PTPRA: variants seen among roughly 807,000 people sequenced by gnomAD.
The protein encoded by PTPRA is receptor-type tyrosine-protein phosphatase alpha.
Under a neutral mutation model 104.8 loss-of-function variants are expected in PTPRA, and 25 were observed. That is an observed-to-expected ratio of 0.24 (90% CI 0.17 to 0.33). The LOEUF (loss-of-function observed/expected upper bound fraction) is 0.33. Among genes scored for constraint, PTPRA ranks in the 10% least tolerant of loss-of-function variants. The pLI is 1.00. For synonymous variants in PTPRA, 323 were observed against 368.9 expected (o/e 0.88, Z 1.43); for missense variants, 765 against 1,015.3 (o/e 0.75, Z 3.35).
Position 2,976,101 on chromosome 20 carries a change from C to T in PTPRA, c.442+860C>T, listed in dbSNP as rs531041170. Among the ~76,000 whole-genome samples, 34 of 152,228 alleles carry T rather than the reference C, an allele frequency of 2.2e-4. No individual in the cohort carries two copies. In the South Asian group the frequency reaches 2.9e-3, roughly 13 times the overall value. ...GGTACTCTCTTCCTTTATGTGATGTCCATCTGCCATTGTATTTGGTAAGGA... is the reference window on the plus strand; with the variant it reads ...GGTACTCTCTTCCTTTATGTGATGTTCATCTGCCATTGTATTTGGTAAGGA... On this transcript the variant is annotated intron_variant, in intron 6 of 23. Transcript: ENST00000399903.
chr20:2,937,007 C>G (rs1032479019), intron 2 of PTPRA, among the ~76,000 whole-genome samples: 2 of 151,632 alleles, frequency 1.3e-5, no homozygotes, highest in African/African-American at 2.4e-5. Flanking sequence ...TGTGATTGCT[C>G]TAGGAATATA....
At chr20:2,867,763 C>T in the PTPRA span, among the ~76,000 whole-genome samples, 1 of 152,214 alleles carries the variant, frequency 6.6e-6, no homozygotes, top group Non-Finnish European at 1.5e-5. Flanking sequence ...TCAGGCCTCT[C>T]CCTATTTAAC....
intron 5 of PTPRA, among the ~76,000 whole-genome samples, chr20:2,972,120 C>T (rs1347890723): frequency 1.3e-5 from 2 of 152,136 alleles, no homozygotes; most frequent in South Asian, 2.1e-4. Context: ...TGAGCCACTG[C>T]GCCCTGCCAG....
At chr20:2,988,630 A>C (rs1014117068) in intron 9 of PTPRA, among the ~76,000 whole-genome samples, 156 bp downstream of exon 9, 1 of 152,240 alleles carries the variant, frequency 6.6e-6, no homozygotes, top group African/African-American at 2.4e-5. Context: ...CTGTATGATC[A>C]TGGATAGGAA....
In PTPRA at chr20:3,022,974, G is replaced by A. The variant is rs189201786; in HGVS notation, c.1464+150G>A. On this transcript the variant is annotated intron_variant, in intron 16 of 23. Transcript: ENST00000399903. This position sits in a 1 kb window ranked among gnomAD's most constrained non-coding sequence, Gnocchi z 4.6. Reference sequence around the variant, plus strand: ...AAGAAAGATAGATCACACTGTTACCGTGTCTATGTAGAAAAAGGAAGACAC... The same window carrying A: ...AAGAAAGATAGATCACACTGTTACCATGTCTATGTAGAAAAAGGAAGACAC... The A allele has an allele frequency of 5.2e-5, 69 of 1,328,178 alleles. No homozygotes were observed. In the East Asian group the frequency reaches 8.9e-4, roughly 17 times the overall value. 82.3% of individuals were successfully genotyped at this position (1,328,178 alleles called of 1,614,324 possible). A position where few individuals can be genotyped will look rare whatever the true frequency, so the allele number is the denominator to read the frequency against.
At position 2,932,461 on chromosome 20, in the gene PTPRA, G is replaced by C. The variant is rs369606138; in HGVS notation, c.-50+9176G>C. Among the ~76,000 whole-genome samples the C allele has an allele frequency of 8.5e-5, 13 of 152,254 alleles. No homozygotes were observed. In the East Asian group the frequency reaches 1.9e-3, roughly 23 times the overall value. ...CTATTTGTAAACAAAGGGGTATGAG[G>C]GTTAGGGATGGAAAAATGGAAAGTA... On this transcript the variant is annotated intron_variant, in intron 2 of 23. Coordinates refer to ENST00000399903, the MANE Select transcript of PTPRA (RefSeq NM_001385305.1).
chr20:2,903,379 A>G (rs909088829), intron 1 of PTPRA, among the ~76,000 whole-genome samples: 2 of 152,152 alleles, frequency 1.3e-5, no homozygotes, highest in Admixed American at 6.5e-5. Flanking sequence ...TGGCTATTCC[A>G]TTTATATATA....
intron 1 of PTPRA, among the ~76,000 whole-genome samples, chr20:2,887,991 C>T (rs1356206142): frequency 3.9e-5 from 6 of 152,198 alleles, no homozygotes; most frequent in African/African-American, 1.4e-4. Flanking sequence ...GGACAGATTT[C>T]ACAGTGATTT....
chr20:2,991,470 G>C (rs149659346), intron 9 of PTPRA, among the ~76,000 whole-genome samples: 1 of 152,160 alleles, frequency 6.6e-6, no homozygotes, highest in Non-Finnish European at 1.5e-5. Context: ...AATCTATAAT[G>C]CCAACTGCTT....
intron 12 of PTPRA, among the ~76,000 whole-genome samples, chr20:3,016,315 A>T (rs2064446918): frequency 6.6e-6 from 1 of 152,208 alleles, no homozygotes; most frequent in Admixed American, 6.5e-5. Context: ...ATTCACAGAT[A>T]GTTGGTCTAG....
At chr20:2,982,338 C>T (rs1010037935) in intron 6 of PTPRA, among the ~76,000 whole-genome samples, 1 of 152,124 alleles carries the variant, frequency 6.6e-6, no homozygotes, top group African/African-American at 2.4e-5. Flanking sequence ...CCACCCGCCT[C>T]GGCCTCCCAA....
intron 1 of PTPRA, among the ~76,000 whole-genome samples, chr20:2,889,477 T>C (rs1450275421): frequency 6.6e-6 from 1 of 152,220 alleles, no homozygotes; most frequent in Non-Finnish European, 1.5e-5. Flanking sequence ...GTAAATGTAG[T>C]AAAACAGGTT....
At chr20:2,960,732 T>G (rs1288484878) in intron 3 of PTPRA, among the ~76,000 whole-genome samples, 1 of 152,026 alleles carries the variant, frequency 6.6e-6, no homozygotes, top group Non-Finnish European at 1.5e-5. Context: ...AAATGTGGTC[T>G]TGCTGTGTTG....
intron 17 of PTPRA, among the ~76,000 whole-genome samples, chr20:3,025,626 T>C (rs1446703896): frequency 6.6e-6 from 1 of 151,780 alleles, no homozygotes; most frequent in African/African-American, 2.4e-5. Flanking sequence ...TCCCAGCACT[T>C]TGGGAGGCCA....
intron 3 of PTPRA, among the ~76,000 whole-genome samples, chr20:2,959,564 CTT>C (rs951666535): frequency 4.0e-5 from 6 of 151,118 alleles, no homozygotes; most frequent in African/African-American, 1.5e-4. Flanking sequence ...TTAAAATAGA[CTT>C]TTTTTTTCTT....
intron 2 of PTPRA, among the ~76,000 whole-genome samples, chr20:2,931,893 C>T (rs2060520150): frequency 6.6e-6 from 1 of 152,128 alleles, no homozygotes; most frequent in East Asian, 1.9e-4. Flanking sequence ...TTTTTAAAGG[C>T]CATCATCTAG....
chr20:2,892,983 G>C (rs598971), intron 1 of PTPRA, among the ~76,000 whole-genome samples: 102,617 of 151,930 alleles, frequency 0.68, 36,271 homozygotes, highest in African/African-American at 0.87. Flanking sequence ...ATACATTTAT[G>C]AAGATTTGAA....
In PTPRA at chr20:3,035,410, G is replaced by A. The variant is rs1301938237; in HGVS notation, c.1921-175G>A. Among the ~76,000 whole-genome samples the A allele has an allele frequency of 1.3e-5, 2 of 152,142 alleles. No individual in the cohort carries two copies. Among genetic ancestry groups the A allele is most frequent in the African/African-American group, 4.8e-5 (2 of 41,434 alleles). Reference sequence around the variant, plus strand: ...TTTTAGATGGTCTCTGGTGAGGATCGGAGGTTAATTGGAATGATGTGATAT... The same window carrying A: ...TTTTAGATGGTCTCTGGTGAGGATCAGAGGTTAATTGGAATGATGTGATAT... On this transcript the variant is annotated intron_variant, in intron 20 of 23. Coordinates refer to ENST00000399903, the MANE Select transcript of PTPRA (RefSeq NM_001385305.1). The surrounding 1 kb of genome is among the most constrained non-coding windows in gnomAD (Gnocchi z 5.8).
At chr20:3,019,289 C>T (rs1367779952) in intron 13 of PTPRA, among the ~76,000 whole-genome samples, 4 of 150,968 alleles carry the variant, frequency 2.6e-5, no homozygotes, top group African/African-American at 9.8e-5. Flanking sequence ...AGGTGGCTGC[C>T]GGGCAGAGAC....
Sources: allele counts gnomAD v4.1 joint callset (sites outside exome capture counted in the v4.1 genomes callset), GRCh38; gene constraint gnomAD v4.1.1; non-coding constraint Gnocchi (gnomAD v3.1); transcripts MANE v1.5; gene names NCBI Gene and HGNC (gene_info 2026-07-23, HGNC 2026-07-21).